The following MRPL3 variants were observed in gnomAD, a reference collection of about 807,000 sequenced individuals.
MRPL3 encodes large ribosomal subunit protein uL3m.
MRPL3 carries 43 observed loss-of-function variants against 44.3 expected under a neutral mutation model. The observed-to-expected ratio is 0.97, with a 90% confidence interval of 0.76 to 1.25. The LOEUF (loss-of-function observed/expected upper bound fraction) is 1.25, where lower values mean the gene tolerates loss of function less well. MRPL3 is among the 50% of genes most tolerant of loss of function. MRPL3 has a pLI of 0.00. For missense variants in MRPL3, 406 were observed against 427.6 expected, an observed-to-expected ratio of 0.95 and a Z score of 0.45; for synonymous variants, 171 against 152.3, an observed-to-expected ratio of 1.12 and a Z score of -0.91.
Position 131,477,127 on chromosome 3 carries a change from C to T in MRPL3, c.630-5848G>A, listed in dbSNP as rs564335048. 7.9e-5 allele frequency among the ~76,000 whole-genome samples: 12 copies of T among 152,268 alleles called. 1 individual carries two copies. The highest frequency in any genetic ancestry group is 2.9e-4 in the African/African-American group (12 of 41,556). Reference sequence around the variant, plus strand: ...GAGACACACAGGTTTTAATATAAATCCATCATGTATTTCTTTACTTTGTGA... The same window carrying T: ...GAGACACACAGGTTTTAATATAAATTCATCATGTATTTCTTTACTTTGTGA... On this transcript the variant is annotated intron_variant, in intron 6 of 9. Coordinates refer to ENST00000264995, the MANE Select transcript of MRPL3 (RefSeq NM_007208.4).
intron 6 of MRPL3, among the ~76,000 whole-genome samples, chr3:131,482,567 T>C (rs967941544): frequency 6.6e-6 from 1 of 152,108 alleles, no homozygotes; most frequent in Non-Finnish European, 1.5e-5. Context: ...ACTAGTTATT[T>C]TTCTGTTTTG....
intron 5 of MRPL3, 36 bp from the exon 6 acceptor site, chr3:131,487,776 T>G (rs1934162360): frequency 6.4e-7 from 1 of 1,552,920 alleles, no homozygotes; most frequent in Non-Finnish European, 8.8e-7. Context: ...AATATGAAAT[T>G]TGACAGCACA....
intron 1 of MRPL3, among the ~76,000 whole-genome samples, chr3:131,502,154 A>G (rs896342331): frequency 6.6e-5 from 10 of 152,206 alleles, no homozygotes; most frequent in Admixed American, 3.3e-4. Context: ...GTGCAAAGTT[A>G]AAAGATCCAC....
chr3:131,463,863 A>G (rs1933544280), intron 9 of MRPL3, among the ~76,000 whole-genome samples: 1 of 152,294 alleles, frequency 6.6e-6, no homozygotes, highest in South Asian at 2.1e-4. Context: ...TTTTTAAAAA[A>G]ATTACATGTA....
At chr3:131,472,951 A>G (rs1432927341) in intron 6 of MRPL3, among the ~76,000 whole-genome samples, 2 of 152,166 alleles carry the variant, frequency 1.3e-5, no homozygotes, top group African/African-American at 2.4e-5. Flanking sequence ...TCTGCTGTTC[A>G]TGAACTGGAA....
Position 131,469,792 on chromosome 3 carries a change from G to T in MRPL3, c.739-19C>A. 2 of 1,567,874 alleles carry T rather than the reference G, an allele frequency of 1.3e-6. No homozygotes were observed. Among genetic ancestry groups the T allele is most frequent in the Non-Finnish European group, 1.8e-6 (2 of 1,140,498 alleles). On this transcript the variant is annotated intron_variant, in intron 7 of 9. Transcript: ENST00000264995. ...CAATATCCTAAATGAGAAAACTAAA[G>T]TTAACACTTTTAAGTACTATCAATT...
At chr3:131,478,464 A>C (rs898857924) in intron 6 of MRPL3, among the ~76,000 whole-genome samples, 7 of 152,152 alleles carry the variant, frequency 4.6e-5, no homozygotes, top group Admixed American at 2.0e-4. Context: ...CCCTAGTAAT[A>C]TTTTTAGCTT....
In MRPL3 at chr3:131,499,806, A is replaced by G. The variant is rs112253888; in HGVS notation, c.369+624T>C. Among the ~76,000 whole-genome samples the G allele has an allele frequency of 6.0e-3, 907 of 152,288 alleles. 12 individuals carry two copies. Among genetic ancestry groups the G allele is most frequent in the African/African-American group, 0.02 (847 of 41,556 alleles). On this transcript the variant is annotated intron_variant, in intron 3 of 9. Transcript: ENST00000264995. The stretch of plus-strand genomic sequence containing the variant: ...GTAGCTAATATTTAGTGGACACTTA[A>G]CATTGTTTCAAGTGCCTGACATTTA...
intron 4 of MRPL3, among the ~76,000 whole-genome samples, chr3:131,493,691 G>A (rs1321463873): frequency 1.3e-5 from 2 of 152,166 alleles, no homozygotes; most frequent in Non-Finnish European, 2.9e-5. Context: ...TACTGTGTTT[G>A]TGGCCTCAAT....
chr3:131,482,893 T>TC (rs11385636), intron 6 of MRPL3, among the ~76,000 whole-genome samples: 84,038 of 151,824 alleles, frequency 0.55, 24,705 homozygotes, highest in Middle Eastern at 0.72. Context: ...TCTCTGTCCT[T>TC]CAAGTCCTTT....
intron 6 of MRPL3, among the ~76,000 whole-genome samples, chr3:131,471,492 A>G (rs541271532): frequency 6.6e-6 from 1 of 152,330 alleles, no homozygotes; most frequent in East Asian, 1.9e-4. Flanking sequence ...CTAATTCTAT[A>G]TAAAATGATT....
chr3:131,498,293 T>A lies in MRPL3; in HGVS notation c.370-16A>T. 6.7e-7 allele frequency: 1 copy of A among 1,494,916 alleles called. No individual in the cohort carries two copies. The highest frequency in any genetic ancestry group is 9.3e-7 in the Non-Finnish European group (1 of 1,075,518). 92.6% of individuals were successfully genotyped at this position (1,494,916 alleles called of 1,614,324 possible). On this transcript the variant is annotated splice_polypyrimidine_tract_variant and intron_variant, in intron 3 of 9. Coordinates refer to ENST00000264995, the MANE Select transcript of MRPL3 (RefSeq NM_007208.4). ...AGTCTTGTACCTAAAAAAACAAACA[T>A]AAAAAAACTAAGCATGTGCCAATAT...
chr3:131,500,881 A>C (rs1228766143), intron 2 of MRPL3, among the ~76,000 whole-genome samples: 3 of 152,176 alleles, frequency 2.0e-5, no homozygotes, highest in Admixed American at 1.3e-4. Flanking sequence ...AACATCTATC[A>C]CTCAAACTCT....
intron 9 of MRPL3, among the ~76,000 whole-genome samples, chr3:131,467,236 G>A (rs1046729974): frequency 4.9e-5 from 7 of 143,916 alleles, no homozygotes; most frequent in Non-Finnish European, 7.8e-5. Context: ...TCAGCCATAC[G>A]CGCGCACACA....
At chr3:131,473,387 T>C (rs925437547) in intron 6 of MRPL3, among the ~76,000 whole-genome samples, 1 of 151,074 alleles carries the variant, frequency 6.6e-6, no homozygotes, top group African/African-American at 2.4e-5. Flanking sequence ...TCTCTCACCA[T>C]ATGCAAAAAT....
Position 131,502,851 on chromosome 3 carries a change from CT to C in MRPL3, c.-31del, listed in dbSNP as rs1270178923. On this transcript the variant is annotated 5_prime_UTR_variant, in exon 1 of 10. Transcript: ENST00000264995. ...TAGCCCGGGAAGACTCGACTCACGA[CT>C]TCCGGGCGCCCTGCCGCTCTGCTTT... 3 of 1,600,368 alleles carry C rather than the reference CT, an allele frequency of 1.9e-6. No individual in the cohort carries two copies. Among genetic ancestry groups the C allele is most frequent in the African/African-American group, 1.3e-5 (1 of 74,652 alleles).
At chr3:131,476,770 T>C (rs1204193130) in intron 6 of MRPL3, among the ~76,000 whole-genome samples, 1 of 152,200 alleles carries the variant, frequency 6.6e-6, no homozygotes, top group Non-Finnish European at 1.5e-5. Context: ...ACACTTTCAG[T>C]GCACGAAGGG....
rs948196837 is a variant in MRPL3, at chr3:131,472,742, T to C, written c.630-1463A>G. On this transcript the variant is annotated intron_variant, in intron 6 of 9. Transcript: ENST00000264995. Reference sequence around the variant, plus strand: ...AAAGTTGCAGGATATAAAATTAACATATACAAATTGGTAGTGTTTCTAAAT... The same window carrying C: ...AAAGTTGCAGGATATAAAATTAACACATACAAATTGGTAGTGTTTCTAAAT... 4.6e-5 allele frequency among the ~76,000 whole-genome samples: 7 copies of C among 151,990 alleles called. No homozygotes were observed. The East Asian group carries it at 5.8e-4, about 13-fold the overall frequency.
Position 131,487,724 on chromosome 3 carries a change from A to T in MRPL3, c.585T>A (p.Ala195=), listed in dbSNP as rs1452958073. The change falls in exon 6 of 10, where the codon GCT becomes GCA. Residue 195 remains alanine (A), a synonymous_variant. Transcript: ENST00000264995. ...AAIKPGTPLY[A]AHFRPGQYVD... is the part of the protein sequence containing the mutation. ...CATACTGTCCTGGACGAAAGTGAGC[A>T]GCATAAAGAGGAGTGCCTTTATGAA... 1.2e-6 allele frequency: 2 copies of T among 1,610,890 alleles called. No homozygotes were observed. Among genetic ancestry groups the T allele is most frequent in the South Asian group, 1.1e-5 (1 of 90,026 alleles).
Sources: gnomAD v4.1 joint callset for allele counts (sites outside exome capture counted in the v4.1 genomes callset) on GRCh38, gnomAD v4.1.1 for gene constraint, MANE v1.5 for transcripts, NCBI Gene and HGNC (gene_info 2026-07-23, HGNC 2026-07-21) for gene names.